Variants in ULK4 observed in about 807,000 individuals in gnomAD.
The protein encoded by ULK4 is inactive serine/threonine-protein kinase ULK4.
In ULK4, 133 loss-of-function variants were observed where a neutral mutation model predicts 160.6. The ratio of observed to expected loss-of-function variants is 0.83; its 90% CI spans 0.72 to 0.96. ULK4 has a LOEUF of 0.96. Ranked by LOEUF, ULK4 falls within the 40% of genes least tolerant of loss-of-function variation. ULK4 has a pLI of 0.00. For missense variants in ULK4, 1,580 were observed against 1,499.5 expected (o/e 1.05, Z -0.89); for synonymous variants, 534 against 539.8 (o/e 0.99, Z 0.15).
chr3:41,640,400 T>C (rs958235164), intron 30 of ULK4, among the ~76,000 whole-genome samples: 3 of 152,140 alleles, frequency 2.0e-5, no homozygotes, highest in African/African-American at 7.2e-5. Context: ...ATAAAATAAT[T>C]ACGGTATTTG....
chr3:41,379,678 A>G (rs921937945), intron 35 of ULK4, among the ~76,000 whole-genome samples: 1 of 152,190 alleles, frequency 6.6e-6, no homozygotes, highest in African/African-American at 2.4e-5. Context: ...GACTGGAAGG[A>G]GACCATGTGG....
intron 36 of ULK4, among the ~76,000 whole-genome samples, chr3:41,248,253 T>C (rs938499565): frequency 6.6e-6 from 1 of 152,160 alleles, no homozygotes; most frequent in Admixed American, 6.5e-5. Context: ...GGCTCTATAA[T>C]GGCATTTTGC....
intron 32 of ULK4, among the ~76,000 whole-genome samples, chr3:41,554,780 T>A: frequency 6.6e-6 from 1 of 152,278 alleles, no homozygotes; most frequent in East Asian, 1.9e-4. Flanking sequence ...CATTACACAT[T>A]CTATGTATCA....
intron 19 of ULK4, among the ~76,000 whole-genome samples, chr3:41,810,108 T>A (rs1328411008): frequency 6.6e-6 from 1 of 152,202 alleles, no homozygotes; most frequent in African/African-American, 2.4e-5. Flanking sequence ...TATTTATATA[T>A]CATATGCTGG....
At chr3:41,943,111 G>A (rs1235888671) in intron 2 of ULK4, among the ~76,000 whole-genome samples, 1 of 151,518 alleles carries the variant, frequency 6.6e-6, no homozygotes, top group African/African-American at 2.4e-5. Context: ...TACTCGGGAG[G>A]CTGAGGCAGC....
intron 34 of ULK4, among the ~76,000 whole-genome samples, chr3:41,412,553 A>ATTTTTTTTTTTCTTTT (rs2082429500): frequency 1.0e-5 from 1 of 100,454 alleles, no homozygotes; most frequent in Non-Finnish European, 2.0e-5. Flanking sequence ...ATGCAGTTGA[A>ATTTTTTTTTTTCTTTT]TTTTTTTTTT....
At chr3:41,849,186 A>C (rs375791303) in intron 17 of ULK4, among the ~76,000 whole-genome samples, 1 of 152,252 alleles carries the variant, frequency 6.6e-6, no homozygotes, top group African/African-American at 2.4e-5. Flanking sequence ...CCTGACTGAC[A>C]GATAACCCTA....
Position 41,828,251 on chromosome 3 carries a change from C to T in ULK4, c.1764+7613G>A, listed in dbSNP as rs566805201. Reference sequence around the variant, plus strand: ...TGAAAACTGGCACAAGACAGGGATGCCCTCTCTCACCACTCCTATTCAACA... The same window carrying T: ...TGAAAACTGGCACAAGACAGGGATGTCCTCTCTCACCACTCCTATTCAACA... On this transcript the variant is annotated intron_variant, in intron 18 of 36. Transcript: ENST00000301831. 7.6e-5 allele frequency among the ~76,000 whole-genome samples: 11 copies of T among 144,470 alleles called. 1 individual carries two copies. The South Asian group carries it at 1.8e-3, about 24-fold the overall frequency. The allele number at this position is 144,470 out of a possible 152,430, so 94.8% of individuals were successfully genotyped here.
At chr3:41,253,737 A>C (rs1212721546) in intron 35 of ULK4, among the ~76,000 whole-genome samples, 3 of 152,160 alleles carry the variant, frequency 2.0e-5, no homozygotes, top group Non-Finnish European at 2.9e-5. Flanking sequence ...GATTTTTAGA[A>C]ATGATCCAAC....
At chr3:41,276,778 A>G (rs1443767280) in intron 35 of ULK4, among the ~76,000 whole-genome samples, 2 of 152,252 alleles carry the variant, frequency 1.3e-5, no homozygotes, top group South Asian at 2.1e-4. Context: ...GCAAAACATT[A>G]AAAGACAATG....
At chr3:41,700,503 A>C (rs1308983095) in intron 27 of ULK4, among the ~76,000 whole-genome samples, 5 of 152,194 alleles carry the variant, frequency 3.3e-5, no homozygotes, top group Non-Finnish European at 7.3e-5. Context: ...TCTCAGACCT[A>C]CATTATCAGG....
chr3:41,893,084 C>A (rs2148782914), intron 16 of ULK4, among the ~76,000 whole-genome samples: 1 of 152,218 alleles, frequency 6.6e-6, no homozygotes, highest in African/African-American at 2.4e-5. Flanking sequence ...GAGGTACTCA[C>A]CATAAGCAAA....
At chr3:41,303,798 G>A (rs1286541100) in intron 35 of ULK4, among the ~76,000 whole-genome samples, 2 of 152,106 alleles carry the variant, frequency 1.3e-5, no homozygotes, top group African/African-American at 2.4e-5. Flanking sequence ...CCAGGGGGAA[G>A]AGCAGCCTGC....
intron 34 of ULK4, among the ~76,000 whole-genome samples, chr3:41,410,890 G>A (rs1031427874): frequency 3.9e-5 from 6 of 152,068 alleles, no homozygotes; most frequent in African/African-American, 1.2e-4. Context: ...CTGTCTTCTC[G>A]AAAGGACACC....
chr3:41,794,672 A>AAAAAAAAAAAAAAAAAAAAAAAAC, intron 20 of ULK4, among the ~76,000 whole-genome samples: 1 of 129,796 alleles, frequency 7.7e-6, no homozygotes, highest in South Asian at 2.4e-4. Flanking sequence ...AAAAAAAAAA[A>AAAAAAAAAAAAAAAAAAAAAAAAC]AAAAAAAAAA....
At chr3:41,679,014 A>C (rs573612058) in intron 29 of ULK4, among the ~76,000 whole-genome samples, 24 of 152,358 alleles carry the variant, frequency 1.6e-4, no homozygotes, top group African/African-American at 5.8e-4. Flanking sequence ...TTCCAGAGTT[A>C]AGGAGGTTAA....
intron 16 of ULK4, among the ~76,000 whole-genome samples, chr3:41,892,506 T>C (rs560491342): frequency 1.2e-4 from 19 of 152,338 alleles, no homozygotes; most frequent in African/African-American, 4.3e-4. Context: ...CGGAATATTA[T>C]TCAGCCTTAA....
intron 34 of ULK4, among the ~76,000 whole-genome samples, chr3:41,430,230 A>C (rs1431618310): frequency 6.6e-6 from 1 of 152,248 alleles, no homozygotes; most frequent in African/African-American, 2.4e-5. Context: ...CAATTTTTAC[A>C]ACTGAAAGAA....
Position 41,908,010 on chromosome 3 carries a change from A to G in ULK4, c.1086-69T>C, listed in dbSNP as rs1285330107. 5.3e-6 allele frequency: 6 copies of G among 1,136,712 alleles called. No individual in the cohort carries two copies. The East Asian group carries it at 1.4e-4, about 26-fold the overall frequency. 70.4% of individuals were successfully genotyped at this position (1,136,712 alleles called of 1,614,324 possible). On this transcript the variant is annotated intron_variant, in intron 11 of 36. Transcript: ENST00000301831. ...TTATTCTCTGTTTACTGTTTTCTGG[A>G]AGAAAACAAGTCTCATGAAAAATGG... is the stretch of plus-strand genomic sequence containing the variant.
Sources: allele counts gnomAD v4.1 joint callset (sites outside exome capture counted in the v4.1 genomes callset), GRCh38; gene constraint gnomAD v4.1.1; transcripts MANE v1.5; gene names NCBI Gene and HGNC (gene_info 2026-07-23, HGNC 2026-07-21).